SLC3A1: variants seen among roughly 807,000 people sequenced by gnomAD.
SLC3A1 encodes solute carrier family 3 member 1, also known as amino acid transporter heavy chain SLC3A1.
SLC3A1 carries 78 observed loss-of-function variants against 60.3 expected under a neutral mutation model. The ratio of observed to expected loss-of-function variants is 1.29; its 90% CI spans 1.08 to 1.56. SLC3A1 has a LOEUF of 1.56. SLC3A1 is among the 40% of genes most tolerant of loss of function. The pLI is 0.00. For missense variants in SLC3A1, 1,172 were observed against 858.9 expected (o/e 1.36, Z -4.56); for synonymous variants, 392 against 307.9 (o/e 1.27, Z -2.86).
chr2:44,301,353 C>G lies in SLC3A1; in HGVS notation c.1136+226C>G, dbSNP rs544860680. On this transcript the variant is annotated intron_variant, in intron 6 of 9. Transcript: ENST00000260649. ...TTGTAAAATGATGCAGATCACACTA[C>G]GTACTTCACAGGAGTTTTGTGAAAA... is the stretch of plus-strand genomic sequence containing the variant. The G allele has an allele frequency of 1.3e-5, 8 of 625,794 alleles. No individual in the cohort carries two copies. The East Asian group carries it at 2.2e-4, about 17-fold the overall frequency. The allele number at this position is 625,794 out of a possible 1,614,324, so 38.8% of individuals were successfully genotyped here.
Position 44,275,916 on chromosome 2 carries a change from C to T in SLC3A1, c.381C>T (p.Tyr127=). The T allele has an allele frequency of 1.2e-6, 2 of 1,614,208 alleles. No homozygotes were observed. The highest frequency in any genetic ancestry group is 2.2e-5 in the South Asian group (2 of 91,084). Reference sequence around the variant, plus strand: ...AGGAGGGGCCCATGTACCAGATCTACCCAAGGTCTTTCAAGGACAGTAACA... The same window carrying T: ...AGGAGGGGCCCATGTACCAGATCTATCCAAGGTCTTTCAAGGACAGTAACA... ...WWQEGPMYQI[Y]PRSFKDSNKD... The change falls in exon 1 of 10, where the codon TAC becomes TAT. Residue 127 remains tyrosine, a synonymous_variant. Transcript: ENST00000260649.
At chr2:44,311,284 T>C (rs1162411382) in intron 7 of SLC3A1, among the ~76,000 whole-genome samples, 1 of 152,254 alleles carries the variant, frequency 6.6e-6, no homozygotes, top group Non-Finnish European at 1.5e-5. Flanking sequence ...ACTGTTCATA[T>C]ACTTTAAATT....
chr2:44,320,201 C>T lies in SLC3A1; in HGVS notation c.1620C>T (p.Val540=). The change falls in exon 10 of 10, where the codon GTC becomes GTT. Residue 540 remains valine (V), a splice_region_variant and synonymous_variant. Transcript: ENST00000260649. ...TAAATACTTTTTTAAAAAAATAGGT[C>T]CAAAAGACTCAGCCCAGATCGGCTT... The part of the protein sequence containing the change: ...NSDYHTVNVD[V]QKTQPRSALK... 1 of 1,612,048 alleles carries T rather than the reference C, an allele frequency of 6.2e-7. No individual in the cohort carries two copies. Among genetic ancestry groups the T allele is most frequent in the Non-Finnish European group, 8.5e-7 (1 of 1,178,578 alleles).
intron 5 of SLC3A1, among the ~76,000 whole-genome samples, chr2:44,300,526 A>G (rs1386036969): frequency 6.6e-6 from 1 of 152,232 alleles, no homozygotes; most frequent in Non-Finnish European, 1.5e-5. Context: ...GAAATCCTAC[A>G]AAGATACAGA....
intron 4 of SLC3A1, among the ~76,000 whole-genome samples, chr2:44,287,275 A>G (rs1671640004): frequency 6.6e-6 from 1 of 152,106 alleles, no homozygotes; most frequent in Admixed American, 6.6e-5. Flanking sequence ...TAAAGTGTGT[A>G]GGAGACACCT....
chr2:44,321,749 G>C (rs1672976154), downstream of SLC3A1: 1 of 1,612,016 alleles, frequency 6.2e-7, no homozygotes, highest in Non-Finnish European at 8.5e-7. Flanking sequence ...TCATAAACCT[G>C]CTGCAACCAC....
chr2:44,301,007 C>G lies in SLC3A1; in HGVS notation c.1016C>G (p.Thr339Arg). The change falls in exon 6 of 10, where the codon ACG becomes AGG. Residue 339 changes from threonine to arginine, a missense_variant. Transcript: ENST00000260649. ...ATGTCGTCCTGGTTTTCAAAGGACA[C>G]GGTCACACAATACTCGGAGCTGTAC... ...IQVNKTQIPDTVTQYSELYHD... is the reference protein window; with the variant it reads ...IQVNKTQIPDRVTQYSELYHD... The G allele has an allele frequency of 6.2e-7, 1 of 1,613,982 alleles. No individual in the cohort carries two copies. The highest frequency in any genetic ancestry group is 8.5e-7 in the Non-Finnish European group (1 of 1,179,986).
intron 7 of SLC3A1, among the ~76,000 whole-genome samples, chr2:44,309,591 CATA>C (rs1672243317): frequency 6.6e-6 from 1 of 152,096 alleles, no homozygotes; most frequent in Non-Finnish European, 1.5e-5. Context: ...TGCTGGATCA[CATA>C]ATACTTCTTT....
At chr2:44,299,447 T>C (rs776170764) in intron 4 of SLC3A1, among the ~76,000 whole-genome samples, 18 of 152,116 alleles carry the variant, frequency 1.2e-4, no homozygotes, top group Non-Finnish European at 1.0e-4. Context: ...GTTGATTCTA[T>C]TTTTTTTCTG....
At chr2:44,314,244 T>C (rs1480117885) in intron 9 of SLC3A1, 2 of 664,830 alleles carry the variant, frequency 3.0e-6, no homozygotes, top group African/African-American at 1.8e-5. Flanking sequence ...TGAAGTTTTT[T>C]AGCTAGCCCA....
chr2:44,309,441 C>T (rs1406457500), intron 7 of SLC3A1, among the ~76,000 whole-genome samples: 5 of 152,210 alleles, frequency 3.3e-5, no homozygotes, highest in Non-Finnish European at 7.3e-5. Flanking sequence ...CTATGTAACA[C>T]GTTATCTATT....
At chr2:44,295,263 T>G (rs1215393907) in intron 4 of SLC3A1, among the ~76,000 whole-genome samples, 1 of 152,122 alleles carries the variant, frequency 6.6e-6, no homozygotes, top group African/African-American at 2.4e-5. Flanking sequence ...AGTTAAAAGG[T>G]GCCCAGTGGA....
Position 44,311,395 on chromosome 2 carries a change from T to C in SLC3A1, c.1333-1191T>C, listed in dbSNP as rs567485852. On this transcript the variant is annotated intron_variant, in intron 7 of 9. Transcript: ENST00000260649. ...TGGTCTTCCTAAGCAATATTTGCTA[T>C]TGACTCCCCCCACCATTATATGAGC... Among the ~76,000 whole-genome samples, 12 of 152,342 alleles carry C rather than the reference T, an allele frequency of 7.9e-5. No individual in the cohort carries two copies. The South Asian group carries it at 1.5e-3, about 18-fold the overall frequency.
chr2:44,286,744 CTGAGCTGTGCGGTGTCTGTGACGG>C (rs1558456077), intron 4 of SLC3A1, among the ~76,000 whole-genome samples: 15 of 123,560 alleles, frequency 1.2e-4, no homozygotes, highest in African/African-American at 2.5e-4. Flanking sequence ...GTGCCTGTGA[CTGAGCTGTGCGGTGTCTGTGACGG>C]TGAGCTGTGC....
intron 1 of SLC3A1, among the ~76,000 whole-genome samples, chr2:44,276,728 A>AT (rs1386294875): frequency 1.3e-5 from 2 of 152,088 alleles, no homozygotes; most frequent in Non-Finnish European, 2.9e-5. Context: ...GTGAAAAATT[A>AT]TTTTTTAAAA....
At chr2:44,308,972 T>G (rs971441503) in intron 7 of SLC3A1, among the ~76,000 whole-genome samples, 1 of 152,180 alleles carries the variant, frequency 6.6e-6, no homozygotes, top group African/African-American at 2.4e-5. Context: ...GACCTCATGA[T>G]CTGCCTGCCT....
At chr2:44,282,858 C>G (rs1482122986) in intron 3 of SLC3A1, among the ~76,000 whole-genome samples, 2 of 151,972 alleles carry the variant, frequency 1.3e-5, no homozygotes, top group African/African-American at 4.8e-5. Flanking sequence ...GGGCCTCACT[C>G]TGTTGTCCAG....
intron 7 of SLC3A1, among the ~76,000 whole-genome samples, chr2:44,307,279 G>C (rs1473708198): frequency 6.6e-6 from 1 of 152,136 alleles, no homozygotes. Flanking sequence ...GGACTATTAC[G>C]AATAGTGATG....
At chr2:44,287,647 T>A (rs1671647765) in intron 4 of SLC3A1, among the ~76,000 whole-genome samples, 1 of 151,904 alleles carries the variant, frequency 6.6e-6, no homozygotes, top group Admixed American at 6.6e-5. Context: ...AAGTAAGAGG[T>A]GGGGGCTGAT....
Sources: allele counts gnomAD v4.1 joint callset (sites outside exome capture counted in the v4.1 genomes callset), GRCh38; gene constraint gnomAD v4.1.1; transcripts MANE v1.5; gene names NCBI Gene and HGNC (gene_info 2026-07-23, HGNC 2026-07-21).